TMC7: variants seen among roughly 807,000 people sequenced by gnomAD.
TMC7 encodes transmembrane channel like 7, also known as transmembrane channel-like protein 7.
TMC7 carries 54 observed loss-of-function variants against 82.9 expected under a neutral mutation model. The ratio of observed to expected loss-of-function variants is 0.65; its 90% CI spans 0.52 to 0.82. TMC7 has a LOEUF of 0.82. Ranked by LOEUF, TMC7 falls within the 40% of genes least tolerant of loss-of-function variation. The pLI is 0.00. For missense variants in TMC7, 820 were observed against 901.2 expected, an observed-to-expected ratio of 0.91 and a Z score of 1.15; for synonymous variants, 350 against 337.9, an observed-to-expected ratio of 1.04 and a Z score of -0.39.
intron 5 of TMC7, 108 bp downstream of exon 5, chr16:19,023,303 G>A: frequency 1.6e-6 from 1 of 620,502 alleles, no homozygotes; most frequent in South Asian, 2.1e-5. Context: ...CACAAGTGTT[G>A]GTTGACACAT....
At chr16:19,000,741 A>G (rs1296418038) in intron 1 of TMC7, among the ~76,000 whole-genome samples, 8 of 152,276 alleles carry the variant, frequency 5.3e-5, no homozygotes, top group South Asian at 4.1e-4. Context: ...TTTTTGTTCC[A>G]GGTACGGTGG....
rs1256580992 is a variant in TMC7 at position 18,984,093 on chromosome 16, G to A, written c.30G>A (p.Gln10=). 3.3e-6 allele frequency: 5 copies of A among 1,503,000 alleles called. No individual in the cohort carries two copies. The South Asian group carries it at 6.2e-5, about 19-fold the overall frequency. 93.1% of individuals were successfully genotyped at this position (1,503,000 alleles called of 1,614,324 possible). A position where few individuals can be genotyped will look rare whatever the true frequency, so the allele number is the denominator to read the frequency against. The change falls in exon 1 of 16, where the codon CAG becomes CAA. Residue 10 remains glutamine (Q), a synonymous_variant. Transcript: ENST00000304381. MSESSGSAL[Q]PGRPSRQPAV... Reference sequence around the variant, plus strand: ...GCGAGTCCAGCGGCAGTGCGCTCCAGCCCGGCAGGCCCAGCCGGCAGCCGG... The same window carrying A: ...GCGAGTCCAGCGGCAGTGCGCTCCAACCCGGCAGGCCCAGCCGGCAGCCGG...
At position 19,040,398 on chromosome 16, in the gene TMC7, G is replaced by T. The variant is rs150991752; in HGVS notation, c.1289G>T (p.Arg430Leu). 1.2e-6 allele frequency: 2 copies of T among 1,613,556 alleles called. No homozygotes were observed. Among genetic ancestry groups the T allele is most frequent in the Non-Finnish European group, 8.5e-7 (1 of 1,179,986 alleles). ...CCAATGATCTTTGCCAAGATCATCC[G>T]CTATGAGGATTATTCTCCAGGCTTT... The part of the protein sequence containing the change: ...ITPMIFAKII[R>L]YEDYSPGFEI... The change falls in exon 9 of 16, where the codon CGC becomes CTC. Residue 430 changes from arginine (R) to leucine (L), a missense_variant. Transcript: ENST00000304381.
At chr16:19,032,256 C>T (rs1032480448) in intron 6 of TMC7, among the ~76,000 whole-genome samples, 6 of 152,126 alleles carry the variant, frequency 3.9e-5, no homozygotes, top group Non-Finnish European at 8.8e-5. Flanking sequence ...CAGGATTCAC[C>T]ATTGCAAAGA....
intron 12 of TMC7, among the ~76,000 whole-genome samples, chr16:19,051,254 AT>A: frequency 1.2e-5 from 1 of 81,490 alleles, no homozygotes; most frequent in East Asian, 3.4e-4. Flanking sequence ...TTTTTTTTTA[AT>A]TTTATTATTA....
In TMC7 at chr16:19,029,536, A is replaced by AT. The variant is rs547831419; in HGVS notation, c.712-681dup. 6.4e-3 allele frequency among the ~76,000 whole-genome samples: 976 copies of AT among 151,858 alleles called. 15 individuals are homozygous for AT. The highest frequency in any genetic ancestry group is 0.022 in the African/African-American group (925 of 41,376). ...AGACATGCACCTCTATGCCTAGCTA[A>AT]TTTTTTTAAAAAAAATTTGTAGAGA... On this transcript the variant is annotated intron_variant, in intron 5 of 15. Coordinates refer to ENST00000304381, the MANE Select transcript of TMC7 (RefSeq NM_024847.4).
At chr16:19,051,999 A>C (rs906995541) in intron 13 of TMC7, among the ~76,000 whole-genome samples, 183 bp downstream of exon 13, 2 of 151,492 alleles carry the variant, frequency 1.3e-5, no homozygotes, top group Non-Finnish European at 2.9e-5. Flanking sequence ...GGTTCAAATG[A>C]TTCTCCCGAG....
chr16:19,042,655 C>T (rs375184810), intron 9 of TMC7, among the ~76,000 whole-genome samples: 34 of 151,512 alleles, frequency 2.2e-4, no homozygotes, highest in African/African-American at 8.0e-4. Flanking sequence ...CTACAGATGC[C>T]CGGCACCACG....
chr16:19,054,754 T>TC (rs1961694600), intron 13 of TMC7, among the ~76,000 whole-genome samples: 1 of 144,682 alleles, frequency 6.9e-6, no homozygotes, highest in Admixed American at 6.9e-5. Context: ...TTTTTTTTTT[T>TC]TTTTTTTTGA....
chr16:19,047,722 T>A lies in TMC7; in HGVS notation c.1740+473T>A, dbSNP rs1266112760. Reference sequence around the variant, plus strand: ...AAAAGACTCTTGATGGATTTTTTTTTTTTTTTTTGAGATAGAGTCTCGCTC... The same window carrying A: ...AAAAGACTCTTGATGGATTTTTTTTATTTTTTTTGAGATAGAGTCTCGCTC... On this transcript the variant is annotated intron_variant, in intron 12 of 15. Coordinates refer to ENST00000304381, the MANE Select transcript of TMC7 (RefSeq NM_024847.4). 3.4e-5 allele frequency among the ~76,000 whole-genome samples: 5 copies of A among 145,524 alleles called. No individual in the cohort carries two copies. In the East Asian group the frequency reaches 1.0e-3, roughly 29 times the overall value.
At chr16:18,998,434 C>A (rs943367596) in intron 1 of TMC7, among the ~76,000 whole-genome samples, 3 of 152,152 alleles carry the variant, frequency 2.0e-5, no homozygotes, top group Non-Finnish European at 4.4e-5. Flanking sequence ...CCCACAGACC[C>A]CTGACCAGAT....
At chr16:19,051,929 C>G in intron 13 of TMC7, 113 bp downstream of exon 13, 1 of 1,408,620 alleles carries the variant, frequency 7.1e-7, no homozygotes, top group South Asian at 1.3e-5. Flanking sequence ...GAGTCTTGCT[C>G]TGTCACCCAG....
chr16:19,048,787 A>G (rs887792337), intron 12 of TMC7, among the ~76,000 whole-genome samples: 1 of 152,164 alleles, frequency 6.6e-6, no homozygotes, highest in Admixed American at 6.6e-5. Context: ...TGTATACAGT[A>G]ATTTCTGTCC....
In TMC7 at chr16:19,060,788, C is replaced by CTTT. The variant is rs1451691111; in HGVS notation, c.2107-990_2107-989insTTT. The stretch of plus-strand genomic sequence containing the variant: ...GAAGGGTTTGTAAGAGTCTACTGTG[C>CTTT]ATTTTTTTTTTTTTTTGAGACAGAG... On this transcript the variant is annotated intron_variant, in intron 15 of 15. Transcript: ENST00000304381. 2.0e-4 allele frequency among the ~76,000 whole-genome samples: 25 copies of CTTT among 124,598 alleles called. 1 individual carries two copies. The Middle Eastern group carries it at 0.012, about 60-fold the overall frequency. The allele number at this position is 124,598 out of a possible 152,430, so 81.7% of individuals were successfully genotyped here. A position where few individuals can be genotyped will look rare whatever the true frequency, so the allele number is the denominator to read the frequency against.
chr16:19,032,272 C>T (rs1262136834), intron 6 of TMC7, among the ~76,000 whole-genome samples: 1 of 152,128 alleles, frequency 6.6e-6, no homozygotes, highest in African/African-American at 2.4e-5. Flanking sequence ...AAAGAAAACC[C>T]CAATGCCCAG....
chr16:19,024,317 A>G (rs1960122502), intron 5 of TMC7, among the ~76,000 whole-genome samples: 2 of 152,080 alleles, frequency 1.3e-5, no homozygotes, highest in Non-Finnish European at 2.9e-5. Context: ...GTTACTCTGG[A>G]GGCTGAGGTA....
intron 2 of TMC7, among the ~76,000 whole-genome samples, chr16:19,015,204 T>C (rs2142191754): frequency 6.6e-6 from 1 of 152,214 alleles, no homozygotes; most frequent in Non-Finnish European, 1.5e-5. Flanking sequence ...CTTCATGTGA[T>C]CTGCCTGCCT....
intron 5 of TMC7, 150 bp from the exon 6 acceptor site, chr16:19,030,074 A>G: frequency 1.3e-6 from 1 of 743,398 alleles, no homozygotes; most frequent in Non-Finnish European, 2.2e-6. Context: ...AACACTGAAT[A>G]CTCCCTGTGC....
chr16:19,010,435 T>TAATTCTCTCTAAA, intron 2 of TMC7, among the ~76,000 whole-genome samples: 1 of 151,932 alleles, frequency 6.6e-6, no homozygotes, highest in Non-Finnish European at 1.5e-5. Context: ...ATTACAGGCA[T>TAATTCTCTCTAAA]GAGCTACCGT....
Sources: gnomAD v4.1 joint callset for allele counts (sites outside exome capture counted in the v4.1 genomes callset) on GRCh38, gnomAD v4.1.1 for gene constraint, MANE v1.5 for transcripts, NCBI Gene and HGNC (gene_info 2026-07-23, HGNC 2026-07-21) for gene names.